Variants in GNAO1 observed in about 807,000 individuals in gnomAD.
GNAO1 encodes the protein G protein subunit alpha o1, also known as guanine nucleotide-binding protein G(o) subunit alpha.
For synonymous variants in GNAO1, 164 were observed against 180.7 expected (o/e 0.91, Z 0.74); for missense variants, 166 against 478.7 (o/e 0.35, Z 6.10).
At chr16:56,285,342 C>T (rs922884242) in intron 3 of GNAO1, among the ~76,000 whole-genome samples, 9 of 151,820 alleles carry the variant, frequency 5.9e-5, no homozygotes, top group Non-Finnish European at 1.3e-4. Context: ...GGCATCAGGA[C>T]TGAAGTGGCC....
intron 1 of GNAO1, 103 bp downstream of exon 1, chr16:56,192,456 A>G (rs944775964): frequency 1.4e-6 from 1 of 715,372 alleles, no homozygotes; most frequent in Non-Finnish European, 2.3e-6. Context: ...CTGGTCCCCA[A>G]GTTGGCACCA....
At chr16:56,340,802 C>G in intron 6 of GNAO1, 1 of 1,603,090 alleles carries the variant, frequency 6.2e-7, no homozygotes, top group South Asian at 1.1e-5. Flanking sequence ...TGGATGCTGC[C>G]GCCCCTCACT....
intron 2 of GNAO1, among the ~76,000 whole-genome samples, chr16:56,250,926 T>A (rs773328981): frequency 3.3e-5 from 5 of 152,228 alleles, no homozygotes; most frequent in Non-Finnish European, 5.9e-5. Context: ...CCCACCTTAA[T>A]GACATTTGGC....
intron 4 of GNAO1, 66 bp from the exon 5 acceptor site, chr16:56,334,663 G>T: frequency 6.4e-7 from 1 of 1,559,718 alleles, no homozygotes; most frequent in South Asian, 1.1e-5. Flanking sequence ...AAGATGGGTG[G>T]CCTGGCCAGT....
At chr16:56,206,538 G>T (rs2036330812) in intron 2 of GNAO1, among the ~76,000 whole-genome samples, 1 of 152,092 alleles carries the variant, frequency 6.6e-6, no homozygotes, top group Non-Finnish European at 1.5e-5. Context: ...GGGTGTGGAT[G>T]GAGCTTGCAA....
chr16:56,250,654 C>T (rs2036791174), intron 2 of GNAO1, among the ~76,000 whole-genome samples: 1 of 152,220 alleles, frequency 6.6e-6, no homozygotes, highest in Non-Finnish European at 1.5e-5. Flanking sequence ...AGCCACCTCT[C>T]TCACTGAAAA....
At chr16:56,272,657 T>TA (rs2037028960) in intron 2 of GNAO1, among the ~76,000 whole-genome samples, 1 of 152,238 alleles carries the variant, frequency 6.6e-6, no homozygotes, top group African/African-American at 2.4e-5. Flanking sequence ...CCCAGGCTCT[T>TA]ACCTGCTGAG....
chr16:56,200,650 C>T (rs540372245), intron 2 of GNAO1, among the ~76,000 whole-genome samples: 2 of 152,302 alleles, frequency 1.3e-5, no homozygotes, highest in East Asian at 3.9e-4. Context: ...TCTTACTAGA[C>T]CACCCCCAGT....
intron 6 of GNAO1, chr16:56,340,949 A>G: frequency 6.2e-7 from 1 of 1,614,058 alleles, no homozygotes; most frequent in Non-Finnish European, 8.5e-7. Context: ...GAGAAGATCA[A>G]GAAGTCCCCG....
chr16:56,243,250 T>A lies in GNAO1; in HGVS notation c.162-32681T>A, dbSNP rs187054661. Among the ~76,000 whole-genome samples, 40 of 152,260 alleles carry A rather than the reference T, an allele frequency of 2.6e-4. 1 individual carries two copies. Among genetic ancestry groups the A allele is most frequent in the Admixed American group, 2.6e-3 (40 of 15,286 alleles). On this transcript the variant is annotated intron_variant, in intron 2 of 8. Transcript: ENST00000262493. Reference sequence around the variant, plus strand: ...AAAGTACACAATAAATGTAATGTACTTGAGTCATCCTGAAACCACTCCATC... The same window carrying A: ...AAAGTACACAATAAATGTAATGTACATGAGTCATCCTGAAACCACTCCATC...
intron 4 of GNAO1, among the ~76,000 whole-genome samples, chr16:56,331,998 C>T (rs796252313): frequency 2.6e-5 from 4 of 152,284 alleles, no homozygotes; most frequent in African/African-American, 4.8e-5. Flanking sequence ...TATCCCACAC[C>T]GAGGCCACCA....
rs8045687 is a variant in GNAO1, at chr16:56,201,836, A to G, written c.161+9220A>G. Among the ~76,000 whole-genome samples the G allele has an allele frequency of 3.6e-3, 553 of 152,238 alleles. 2 individuals are homozygous for G. Among genetic ancestry groups the G allele is most frequent in the African/African-American group, 0.013 (523 of 41,542 alleles). Reference sequence around the variant, plus strand: ...AGGAAGAGAGAAGACTTGGGGAGAAAAGTGATGACTGCATTTGGTCATGTT... The same window carrying G: ...AGGAAGAGAGAAGACTTGGGGAGAAGAGTGATGACTGCATTTGGTCATGTT... On this transcript the variant is annotated intron_variant, in intron 2 of 8. Coordinates refer to ENST00000262493, the MANE Select transcript of GNAO1 (RefSeq NM_020988.3).
chr16:56,230,606 A>C (rs1214190592), intron 2 of GNAO1, among the ~76,000 whole-genome samples: 1 of 152,126 alleles, frequency 6.6e-6, no homozygotes, highest in Non-Finnish European at 1.5e-5. Context: ...GAAACGGACC[A>C]CTGAGACTCA....
chr16:56,237,642 T>C (rs2036651371), intron 2 of GNAO1, among the ~76,000 whole-genome samples: 1 of 152,200 alleles, frequency 6.6e-6, no homozygotes, highest in Non-Finnish European at 1.5e-5. Context: ...CTTGGCGTTT[T>C]CCCTCTAACA....
At chr16:56,227,440 G>A (rs529547157) in intron 2 of GNAO1, among the ~76,000 whole-genome samples, 1 of 152,182 alleles carries the variant, frequency 6.6e-6, no homozygotes, top group South Asian at 2.1e-4. Context: ...AGTCACTGGG[G>A]CCTGGGGTGT....
intron 7 of GNAO1, chr16:56,352,979 G>A (rs1047466663): frequency 1.3e-5 from 2 of 152,368 alleles, no homozygotes; most frequent in Non-Finnish European, 2.9e-5. Context: ...AGGGTGACTG[G>A]AAGGACAGCT....
chr16:56,325,772 G>A (rs1376431582), intron 3 of GNAO1, among the ~76,000 whole-genome samples: 2 of 152,158 alleles, frequency 1.3e-5, no homozygotes, highest in African/African-American at 4.8e-5. Context: ...AGGGCTCACA[G>A]GACAGGTCAC....
rs143440920 is a variant in GNAO1 at position 56,259,037 on chromosome 16, A to G, written c.162-16894A>G. On this transcript the variant is annotated intron_variant, in intron 2 of 8. Coordinates refer to ENST00000262493, the MANE Select transcript of GNAO1 (RefSeq NM_020988.3). ...CTTTAGATGGCGTATACATTCTTAC[A>G]TGACCAGCTGAAGAGCCTTAGGGAC... is the stretch of plus-strand genomic sequence containing the variant. Among the ~76,000 whole-genome samples the G allele has an allele frequency of 1.3e-3, 199 of 152,314 alleles. 1 individual carries two copies. Among genetic ancestry groups the G allele is most frequent in the African/African-American group, 4.6e-3 (191 of 41,570 alleles).
At chr16:56,355,125 T>TACGCACACAC in intron 8 of GNAO1, 44 bp downstream of exon 8, 1 of 555,442 alleles carries the variant, frequency 1.8e-6, no homozygotes, top group South Asian at 2.7e-5. Context: ...TGCGCGCGCA[T>TACGCACACAC]ACACACACAC....
Sources: allele counts gnomAD v4.1 joint callset (sites outside exome capture counted in the v4.1 genomes callset), GRCh38; gene constraint gnomAD v4.1.1; transcripts MANE v1.5; gene names NCBI Gene and HGNC (gene_info 2026-07-23, HGNC 2026-07-21).